The following LIMCH1 variants were observed in gnomAD, a reference collection of about 807,000 sequenced individuals.
LIMCH1 encodes the protein LIM and calponin homology domains-containing protein 1.
LIMCH1 carries 113 observed loss-of-function variants against 176.5 expected under a neutral mutation model. That is an observed-to-expected ratio of 0.64 (90% confidence interval 0.55 to 0.75). The LOEUF (loss-of-function observed/expected upper bound fraction) is 0.75. Among genes scored for constraint, LIMCH1 ranks in the 30% least tolerant of loss-of-function variants. LIMCH1 has a pLI of 0.00. For missense variants in LIMCH1, 1,674 were observed against 1,814.9 expected (o/e 0.92, Z 1.41); for synonymous variants, 619 against 645.9 (o/e 0.96, Z 0.63).
intron 1 of LIMCH1, among the ~76,000 whole-genome samples, chr4:41,368,497 A>G (rs2053459661): frequency 1.3e-5 from 2 of 152,158 alleles, no homozygotes; most frequent in Non-Finnish European, 2.9e-5. Context: ...GATTAAGAGA[A>G]AAGCACTCTT....
intron 1 of LIMCH1, among the ~76,000 whole-genome samples, chr4:41,574,603 G>A (rs951510873): frequency 1.3e-5 from 2 of 151,918 alleles, no homozygotes; most frequent in Admixed American, 1.3e-4. Flanking sequence ...TCATATTTTA[G>A]GATCCAGACT....
At chr4:41,492,023 T>C (rs1253746241) in intron 1 of LIMCH1, among the ~76,000 whole-genome samples, 1 of 152,140 alleles carries the variant, frequency 6.6e-6, no homozygotes, top group Admixed American at 6.5e-5. Flanking sequence ...GAGGCTGTAA[T>C]CTTAGCACTT....
At chr4:41,558,403 G>A (rs953509204) in intron 1 of LIMCH1, among the ~76,000 whole-genome samples, 4 of 152,190 alleles carry the variant, frequency 2.6e-5, no homozygotes, top group African/African-American at 9.6e-5. Flanking sequence ...AAATTAGGCA[G>A]TAATGTCTGA....
intron 2 of LIMCH1, among the ~76,000 whole-genome samples, chr4:41,521,541 A>G (rs769682947): frequency 2.0e-5 from 3 of 152,214 alleles, no homozygotes; most frequent in Non-Finnish European, 2.9e-5. Flanking sequence ...CTCTTACTCA[A>G]AAAATCTCTC....
chr4:41,408,393 A>T (rs1182083655), intron 1 of LIMCH1, among the ~76,000 whole-genome samples: 1 of 152,188 alleles, frequency 6.6e-6, no homozygotes. Flanking sequence ...CAAATATAAC[A>T]TGACTCCACT....
intron 3 of LIMCH1, among the ~76,000 whole-genome samples, chr4:41,605,570 G>A (rs902654343): frequency 1.3e-5 from 2 of 152,082 alleles, no homozygotes; most frequent in African/African-American, 4.8e-5. Context: ...TTGAAAAATT[G>A]TGAAACCTTC....
At chr4:41,561,303 T>C (rs930225717) in intron 1 of LIMCH1, among the ~76,000 whole-genome samples, 5 of 152,210 alleles carry the variant, frequency 3.3e-5, no homozygotes, top group African/African-American at 7.2e-5. Flanking sequence ...TGTATTTTTT[T>C]CCCCCTCCAG....
At chr4:41,624,488 G>A (rs973896051) in intron 7 of LIMCH1, among the ~76,000 whole-genome samples, 1 of 151,532 alleles carries the variant, frequency 6.6e-6, no homozygotes, top group Non-Finnish European at 1.5e-5. Context: ...TAACTTGCAC[G>A]AACCTTTGTG....
intron 1 of LIMCH1, among the ~76,000 whole-genome samples, chr4:41,421,740 A>G (rs2060623433): frequency 6.6e-6 from 1 of 152,164 alleles, no homozygotes; most frequent in Admixed American, 6.5e-5. Flanking sequence ...GTGAGGCAAA[A>G]CTATAAAAGA....
intron 1 of LIMCH1, among the ~76,000 whole-genome samples, chr4:41,372,992 T>C (rs2054202992): frequency 6.6e-6 from 1 of 152,192 alleles, no homozygotes; most frequent in South Asian, 2.1e-4. Context: ...ATTCATCATA[T>C]AGTTATTGAG....
At chr4:41,360,764 C>G, upstream of LIMCH1, 1 of 1,121,518 alleles carries the variant, frequency 8.9e-7, no homozygotes, top group East Asian at 3.3e-5. This position sits in a 1 kb window ranked among gnomAD's most constrained non-coding sequence, Gnocchi z 4.5. Flanking sequence ...CGGGAAGGGG[C>G]GGGGAGCGCG....
chr4:41,677,878 C>T (rs1028532813), intron 23 of LIMCH1, among the ~76,000 whole-genome samples: 1 of 152,038 alleles, frequency 6.6e-6, no homozygotes, highest in African/African-American at 2.4e-5. Flanking sequence ...AATGTTAAAT[C>T]TCATTAATTT....
chr4:41,654,312 A>T lies in LIMCH1; in HGVS notation c.3036+3704A>T, dbSNP rs557958450. Among the ~76,000 whole-genome samples the T allele has an allele frequency of 9.4e-4, 143 of 152,294 alleles. 1 individual carries two copies. Among genetic ancestry groups the T allele is most frequent in the African/African-American group, 3.3e-3 (136 of 41,562 alleles). On this transcript the variant is annotated intron_variant, in intron 18 of 31. Transcript: ENST00000503057. ...TGGTTGTGAGTGAGCCGCAGCTCCCAGTCAGCCACGAGATCACGAGGGTAA... is the reference window on the plus strand; with the variant it reads ...TGGTTGTGAGTGAGCCGCAGCTCCCTGTCAGCCACGAGATCACGAGGGTAA...
intron 1 of LIMCH1, among the ~76,000 whole-genome samples, chr4:41,559,543 C>G (rs1384424798): frequency 6.6e-6 from 1 of 152,090 alleles, no homozygotes; most frequent in African/African-American, 2.4e-5. Context: ...TTTCTTCATC[C>G]TCTTCTTCAG....
At chr4:41,360,321 G>T (rs1449462101), upstream of LIMCH1, among the ~76,000 whole-genome samples, 2 of 152,104 alleles carry the variant, frequency 1.3e-5, no homozygotes, top group Non-Finnish European at 2.9e-5. This position sits in a 1 kb window ranked among gnomAD's most constrained non-coding sequence, Gnocchi z 4.5. Context: ...GTGCCCGCGC[G>T]TCCTACTGCT....
intron 1 of LIMCH1, among the ~76,000 whole-genome samples, chr4:41,473,528 T>C (rs2067292081): frequency 6.6e-6 from 1 of 152,208 alleles, no homozygotes; most frequent in African/African-American, 2.4e-5. Context: ...GTTCAGGGCC[T>C]TTATCTCACC....
intron 1 of LIMCH1, among the ~76,000 whole-genome samples, chr4:41,589,513 G>A (rs149043673): frequency 4.3e-4 from 66 of 152,302 alleles, no homozygotes; most frequent in African/African-American, 1.5e-3. Context: ...CCAGGAAGGG[G>A]CAGAGCTGGG....
chr4:41,628,177 A>C (rs569490447), intron 8 of LIMCH1, among the ~76,000 whole-genome samples: 1 of 152,314 alleles, frequency 6.6e-6, no homozygotes, highest in South Asian at 2.1e-4. Context: ...TCAGTTGTGC[A>C]AGTGAAACAA....
At chr4:41,603,425 T>C (rs746008621) in intron 2 of LIMCH1, among the ~76,000 whole-genome samples, 1 of 152,228 alleles carries the variant, frequency 6.6e-6, no homozygotes, top group Non-Finnish European at 1.5e-5. Flanking sequence ...ATAGGATTCC[T>C]TCTTGTACAC....
Sources: gnomAD v4.1 joint callset for allele counts (sites outside exome capture counted in the v4.1 genomes callset) on GRCh38, gnomAD v4.1.1 for gene constraint, Gnocchi (gnomAD v3.1) non-coding constraint, MANE v1.5 for transcripts, NCBI Gene and HGNC (gene_info 2026-07-23, HGNC 2026-07-21) for gene names.